FAM227B: variants seen among roughly 807,000 people sequenced by gnomAD.
FAM227B encodes family with sequence similarity 227 member B.
In FAM227B, 88 loss-of-function variants were observed where a neutral mutation model predicts 73.8. That is an observed-to-expected ratio of 1.19 (90% CI 1.00 to 1.42). The LOEUF is 1.42. Among genes scored for constraint, FAM227B ranks in the 40% most tolerant of loss-of-function variants. FAM227B has a pLI of 0.00. For missense variants in FAM227B, 632 were observed against 590.9 expected, an observed-to-expected ratio of 1.07 and a Z score of -0.72; for synonymous variants, 210 against 190.5, an observed-to-expected ratio of 1.10 and a Z score of -0.84.
chr15:49,593,822 C>T (rs2076729679), intron 3 of FAM227B, among the ~76,000 whole-genome samples: 1 of 152,176 alleles, frequency 6.6e-6, no homozygotes, highest in Admixed American at 6.5e-5. Flanking sequence ...CACATTTTAT[C>T]AACTTGTTGA....
chr15:49,363,114 T>C (rs1339991476), intron 13 of FAM227B, among the ~76,000 whole-genome samples: 1 of 152,242 alleles, frequency 6.6e-6, no homozygotes, highest in African/African-American at 2.4e-5. Flanking sequence ...AAGCTCTTTT[T>C]TGGTTCAACA....
chr15:49,398,013 T>C (rs2047826429), intron 11 of FAM227B, among the ~76,000 whole-genome samples: 2 of 152,284 alleles, frequency 1.3e-5, no homozygotes, highest in South Asian at 4.2e-4. Context: ...ACTTTAAATG[T>C]AAATGGACTA....
chr15:49,511,296 G>A (rs976920845), intron 10 of FAM227B, among the ~76,000 whole-genome samples: 1 of 151,510 alleles, frequency 6.6e-6, no homozygotes, highest in African/African-American at 2.4e-5. Flanking sequence ...CACATTAAAG[G>A]CCATAAATTA....
intron 11 of FAM227B, among the ~76,000 whole-genome samples, chr15:49,420,235 G>T (rs2049505639): frequency 6.6e-6 from 1 of 151,998 alleles, no homozygotes; most frequent in Admixed American, 6.6e-5. Context: ...ATTCATTACA[G>T]CATTTCTTTG....
chr15:49,328,824 C>T (rs1596171372), intron 15 of FAM227B, 149 bp from the exon 16 acceptor site: 2 of 1,408,234 alleles, frequency 1.4e-6, no homozygotes, highest in African/African-American at 2.9e-5. Flanking sequence ...AATTCAGACT[C>T]ATTTGAATAT....
chr15:49,426,423 C>A (rs1381170234), intron 11 of FAM227B, among the ~76,000 whole-genome samples: 1 of 151,862 alleles, frequency 6.6e-6, no homozygotes, highest in Non-Finnish European at 1.5e-5. Context: ...GCTGACTACT[C>A]CTTTTGAATC....
intron 8 of FAM227B, among the ~76,000 whole-genome samples, chr15:49,571,407 T>G (rs570054448): frequency 6.6e-6 from 1 of 151,974 alleles, no homozygotes; most frequent in Non-Finnish European, 1.5e-5. Context: ...ACATTTGGCT[T>G]CATACTCAAA....
At chr15:49,460,138 G>A (rs2053663624) in intron 11 of FAM227B, among the ~76,000 whole-genome samples, 1 of 152,074 alleles carries the variant, frequency 6.6e-6, no homozygotes, top group Non-Finnish European at 1.5e-5. Flanking sequence ...AGGTATCATG[G>A]AAGAGGCAAG....
intron 13 of FAM227B, among the ~76,000 whole-genome samples, chr15:49,345,760 G>C (rs1031033675): frequency 6.6e-6 from 1 of 152,146 alleles, no homozygotes; most frequent in African/African-American, 2.4e-5. Context: ...TCTCAACTCA[G>C]GACTCTGGGG....
At chr15:49,525,353 T>C (rs1431250297) in intron 10 of FAM227B, among the ~76,000 whole-genome samples, 1 of 152,074 alleles carries the variant, frequency 6.6e-6, no homozygotes, top group Non-Finnish European at 1.5e-5. Flanking sequence ...CATGACTTGT[T>C]CCTCCTTGCC....
intron 5 of FAM227B, among the ~76,000 whole-genome samples, chr15:49,583,103 C>A (rs1418132963): frequency 2.6e-5 from 4 of 151,410 alleles, no homozygotes; most frequent in Non-Finnish European, 2.9e-5. Flanking sequence ...CCAAAGCTAG[C>A]AGAAGACAAA....
At chr15:49,374,291 A>G (rs2046019257) in intron 11 of FAM227B, among the ~76,000 whole-genome samples, 1 of 152,194 alleles carries the variant, frequency 6.6e-6, no homozygotes, top group Non-Finnish European at 1.5e-5. Context: ...TAGTTGTTCC[A>G]ATGAAGTCTA....
chr15:49,354,484 C>T lies in FAM227B; in HGVS notation c.1271+12964G>A, dbSNP rs564667020. The stretch of plus-strand genomic sequence containing the variant: ...CTTTCCGAGTCAAAGAAAGGGGTGA[C>T]GGACGGCACCTGGAAAATCGTGTCA... On this transcript the variant is annotated intron_variant, in intron 13 of 15. Transcript: ENST00000299338. 1.7e-3 allele frequency among the ~76,000 whole-genome samples: 266 copies of T among 152,216 alleles called. 2 individuals are homozygous for T. Among genetic ancestry groups the T allele is most frequent in the Middle Eastern group, 3.4e-3 (1 of 294 alleles).
chr15:49,449,380 A>G (rs1469506042), intron 11 of FAM227B, among the ~76,000 whole-genome samples: 2 of 152,056 alleles, frequency 1.3e-5, no homozygotes, highest in Non-Finnish European at 2.9e-5. Context: ...AAAGACAGTT[A>G]TATTTCTATT....
chr15:49,426,088 G>A (rs1054801399), intron 11 of FAM227B, among the ~76,000 whole-genome samples: 4 of 151,568 alleles, frequency 2.6e-5, no homozygotes, highest in African/African-American at 7.2e-5. Flanking sequence ...TGGTGGAGAC[G>A]ACAGAGCCTA....
At chr15:49,503,719 C>T (rs1382486399) in intron 11 of FAM227B, among the ~76,000 whole-genome samples, 1 of 152,250 alleles carries the variant, frequency 6.6e-6, no homozygotes, top group South Asian at 2.1e-4. Context: ...ATCAAAACCA[C>T]AATGAGATAC....
At chr15:49,404,817 G>A (rs559933241) in intron 11 of FAM227B, among the ~76,000 whole-genome samples, 1 of 151,960 alleles carries the variant, frequency 6.6e-6, no homozygotes, top group South Asian at 2.1e-4. Flanking sequence ...ATGTTAGCTG[G>A]TTCGTATGGG....
chr15:49,592,116 T>C (rs2076615729), intron 3 of FAM227B, among the ~76,000 whole-genome samples: 1 of 152,202 alleles, frequency 6.6e-6, no homozygotes. Flanking sequence ...TTAGAACATG[T>C]TCCTTTAGCT....
At chr15:49,584,429 G>A (rs1466842643) in intron 5 of FAM227B, among the ~76,000 whole-genome samples, 2 of 152,084 alleles carry the variant, frequency 1.3e-5, no homozygotes, top group Admixed American at 6.6e-5. Flanking sequence ...GCAAAAGCTG[G>A]AAGCATTCCC....
Sources: allele counts gnomAD v4.1 joint callset (sites outside exome capture counted in the v4.1 genomes callset), GRCh38; gene constraint gnomAD v4.1.1; transcripts MANE v1.5; gene names NCBI Gene and HGNC (gene_info 2026-07-23, HGNC 2026-07-21).